Variants in TTI1 observed in about 807,000 individuals in gnomAD.
The protein encoded by TTI1 is TELO2 interacting protein 1.
A neutral mutation model predicts 85.4 loss-of-function variants in TTI1; 52 were observed. The ratio of observed to expected loss-of-function variants is 0.61; its 90% CI spans 0.49 to 0.77. The LOEUF is 0.77. Ranked by LOEUF, TTI1 falls within the 30% of genes least tolerant of loss-of-function variation. The pLI, the probability that TTI1 is intolerant of heterozygous loss-of-function variation, is 0.00. For synonymous variants in TTI1, 512 were observed against 503.9 expected (o/e 1.02, Z -0.22); for missense variants, 1,173 against 1,296.0 (o/e 0.91, Z 1.46).
intron 1 of TTI1, among the ~76,000 whole-genome samples, chr20:38,030,195 G>GA (rs538126579): frequency 2.8e-4 from 37 of 132,556 alleles, no homozygotes; most frequent in Non-Finnish European, 5.2e-4. Context: ...AAAAACTCCA[G>GA]AAAAAAAAGG....
intron 5 of TTI1, among the ~76,000 whole-genome samples, chr20:37,997,263 A>G (rs2073356000): frequency 6.6e-6 from 1 of 152,066 alleles, no homozygotes; most frequent in South Asian, 2.1e-4. Flanking sequence ...AAAAAAAAAA[A>G]AAGAGAAGAG....
intron 7 of TTI1, among the ~76,000 whole-genome samples, chr20:37,985,916 T>C (rs1404073418): frequency 6.6e-6 from 1 of 151,976 alleles, no homozygotes; most frequent in African/African-American, 2.4e-5. Context: ...ATAGTGGTTG[T>C]TGGAGAAGTG....
chr20:37,999,278 GT>G lies in TTI1; in HGVS notation c.2702del (p.Asn901ThrfsTer60). The part of the protein sequence containing the change: ...LCVVVLQSHK[N>X]QLLPLAHQAW... Reference sequence around the variant, plus strand: ...CCTGATGAGCCAAGGGAAGCAGCTGGTTTTTGTGGGACTGAAGAACAACCAC... The same window carrying G: ...CCTGATGAGCCAAGGGAAGCAGCTGGTTTTGTGGGACTGAAGAACAACCAC... On this transcript the variant is annotated frameshift_variant, in exon 5 of 8. Coordinates refer to ENST00000373447, the MANE Select transcript of TTI1 (RefSeq NM_001303457.2). LOFTEE classifies it high-confidence loss of function. 13 of 1,524,528 alleles carry G rather than the reference GT, an allele frequency of 8.5e-6. No individual in the cohort carries two copies. Among genetic ancestry groups the G allele is most frequent in the Admixed American group, 2.1e-5 (1 of 47,994 alleles). 94.4% of individuals were successfully genotyped at this position (1,524,528 alleles called of 1,614,324 possible).
At chr20:38,018,178 A>G (rs2073711278) in intron 1 of TTI1, among the ~76,000 whole-genome samples, 1 of 152,254 alleles carries the variant, frequency 6.6e-6, no homozygotes, top group Non-Finnish European at 1.5e-5. Flanking sequence ...ACTGAAGTTT[A>G]GTAGTCAAGA....
chr20:38,029,039 A>G (rs889484358), intron 1 of TTI1, among the ~76,000 whole-genome samples: 1 of 152,142 alleles, frequency 6.6e-6, no homozygotes, highest in African/African-American at 2.4e-5. Context: ...AGAACATAAG[A>G]CAGATGATTA....
intron 4 of TTI1, among the ~76,000 whole-genome samples, chr20:37,999,741 TG>T (rs1157652814): frequency 1.3e-5 from 2 of 152,152 alleles, no homozygotes; most frequent in African/African-American, 4.8e-5. Context: ...TTCATGCAAC[TG>T]GAAACCGTGA....
chr20:38,020,323 A>AAAAAAAAAAATATATATATATATATATAT, intron 1 of TTI1, among the ~76,000 whole-genome samples: 1 of 50,382 alleles, frequency 2.0e-5, no homozygotes, highest in African/African-American at 8.9e-5. Flanking sequence ...AAAAAAAAAA[A>AAAAAAAAAAATATATATATATATATATAT]ATATATATAT....
Position 37,999,419 on chromosome 20 carries a change from C to T in TTI1, c.2653-91G>A, listed in dbSNP as rs6091637. 2.2e-3 allele frequency: 2,767 copies of T among 1,279,286 alleles called. 54 individuals carry two copies. The African/African-American group carries it at 0.037, about 17-fold the overall frequency. The allele number at this position is 1,279,286 out of a possible 1,614,324, so 79.2% of individuals were successfully genotyped here. A position where few individuals can be genotyped will look rare whatever the true frequency, so the allele number is the denominator to read the frequency against. On this transcript the variant is annotated intron_variant, in intron 4 of 7. Coordinates refer to ENST00000373447, the MANE Select transcript of TTI1 (RefSeq NM_001303457.2). Reference sequence around the variant, plus strand: ...ATTTTCAAAGAATAACATTTAGAAACGTATTAATTGGATAATTGTTTTCTG... The same window carrying T: ...ATTTTCAAAGAATAACATTTAGAAATGTATTAATTGGATAATTGTTTTCTG...
intron 4 of TTI1, among the ~76,000 whole-genome samples, chr20:38,000,249 G>A (rs2073403388): frequency 6.6e-6 from 1 of 152,170 alleles, no homozygotes; most frequent in Non-Finnish European, 1.5e-5. Flanking sequence ...AGAAAGTTGG[G>A]CGGCTAGGGG....
At chr20:38,028,419 A>T (rs2073862478) in intron 1 of TTI1, among the ~76,000 whole-genome samples, 1 of 152,230 alleles carries the variant, frequency 6.6e-6, no homozygotes. Context: ...CAAAAGAAAA[A>T]AAATTACCAG....
At chr20:38,004,771 C>A (rs1213992836) in intron 3 of TTI1, among the ~76,000 whole-genome samples, 1 of 152,168 alleles carries the variant, frequency 6.6e-6, no homozygotes, top group Non-Finnish European at 1.5e-5. Flanking sequence ...ACCAGAAGAT[C>A]CTAATCATGA....
At chr20:38,027,057 A>G (rs1374395442) in intron 1 of TTI1, among the ~76,000 whole-genome samples, 1 of 152,242 alleles carries the variant, frequency 6.6e-6, no homozygotes, top group African/African-American at 2.4e-5. Flanking sequence ...GAATTCTAAA[A>G]AACATTCAAG....
rs187508154 is a variant in TTI1 at position 37,997,875 on chromosome 20, C to T, written c.2794-922G>A. 2.6e-5 allele frequency among the ~76,000 whole-genome samples: 4 copies of T among 152,240 alleles called. No individual in the cohort carries two copies. In the East Asian group the frequency reaches 7.7e-4, roughly 29 times the overall value. On this transcript the variant is annotated intron_variant, in intron 5 of 7. Transcript: ENST00000373447. The stretch of plus-strand genomic sequence containing the variant: ...CAACCTATTAATTCTCACCAAACCC[C>T]GCCCTGCAGTACATCTGGATAAGAT...
Position 38,011,904 on chromosome 20 carries a change from G to A in TTI1, c.1913C>T (p.Ala638Val). The A allele has an allele frequency of 6.2e-7, 1 of 1,614,236 alleles. No individual in the cohort carries two copies. Among genetic ancestry groups the A allele is most frequent in the Non-Finnish European group, 8.5e-7 (1 of 1,180,042 alleles). The stretch of plus-strand genomic sequence containing the variant: ...ACAGAAGTCTTTTCCTAGTGCATAT[G>A]CAAACTGGCCAATTCCTTCCAACTG... ...CIQLEGIGQF[A>V]YALGKDFCLL... The change falls in exon 2 of 8, where the codon GCA (alanine) becomes GTA (valine). Residue 638 changes from alanine (A) to valine (V), a missense_variant. Coordinates refer to ENST00000373447, the MANE Select transcript of TTI1 (RefSeq NM_001303457.2).
At chr20:37,987,954 G>C (rs1222235123) in intron 7 of TTI1, among the ~76,000 whole-genome samples, 5 of 152,192 alleles carry the variant, frequency 3.3e-5, no homozygotes, top group Non-Finnish European at 7.4e-5. Context: ...GGTGGGAATG[G>C]GGAGGGAGGA....
At chr20:37,987,092 C>A (rs937115646) in intron 7 of TTI1, 4 of 447,846 alleles carry the variant, frequency 8.9e-6, no homozygotes, top group Admixed American at 2.4e-5. Flanking sequence ...ACTCTAAACA[C>A]GACAAATTCC....
In TTI1 at chr20:38,013,702, C is replaced by T. The variant is rs1219441238; in HGVS notation, c.115G>A (p.Ala39Thr). 1 of 1,614,060 alleles carries T rather than the reference C, an allele frequency of 6.2e-7. No homozygotes were observed. Among genetic ancestry groups the T allele is most frequent in the East Asian group, 2.2e-5 (1 of 44,904 alleles). The change falls in exon 2 of 8, where the codon GCT becomes ACT. Residue 39 changes from alanine to threonine, a missense_variant. By Grantham distance (58) the Ala-to-Thr change is moderately conservative. Coordinates refer to ENST00000373447, the MANE Select transcript of TTI1 (RefSeq NM_001303457.2). Reference protein sequence around the residue: ...NVEHLQTRLQAVSDSALQELQ... With the variant: ...NVEHLQTRLQTVSDSALQELQ... ...TCCTGAAGGGCACTGTCACTCACAG[C>T]TTGTAGTCGTGTCTGCAGATGCTCC...
chr20:38,033,357 G>T, intron 1 of TTI1, 47 bp downstream of exon 1: 1 of 153,610 alleles, frequency 6.5e-6, no homozygotes, highest in Non-Finnish European at 1.5e-5. Flanking sequence ...CCCTCTACAG[G>T]GTCCCAGCTG....
chr20:38,002,874 G>T lies in TTI1; in HGVS notation c.2504-98C>A, dbSNP rs556655683. 3.4e-5 allele frequency: 52 copies of T among 1,518,980 alleles called. No homozygotes were observed. In the African/African-American group the frequency reaches 4.8e-4, roughly 14 times the overall value. 94.1% of individuals were successfully genotyped at this position (1,518,980 alleles called of 1,614,324 possible). ...ATAAATTACTCAGTCTTAGGTATTT[G>T]GTTACAGCAGCACAAATGGACTGAG... is the stretch of plus-strand genomic sequence containing the variant. On this transcript the variant is annotated intron_variant, in intron 3 of 7. Transcript: ENST00000373447.
Sources: allele counts gnomAD v4.1 joint callset (sites outside exome capture counted in the v4.1 genomes callset), GRCh38; gene constraint gnomAD v4.1.1; transcripts MANE v1.5; gene names NCBI Gene and HGNC (gene_info 2026-07-23, HGNC 2026-07-21).